AKAP12: variants seen among roughly 807,000 people sequenced by gnomAD.
AKAP12 encodes A-kinase anchor protein 12.
In AKAP12, 32 loss-of-function variants were observed where a neutral mutation model predicts 79.9. The ratio of observed to expected loss-of-function variants is 0.40; its 90% confidence interval spans 0.30 to 0.54. The LOEUF is 0.54. AKAP12 is among the 20% of genes least tolerant of loss of function. The pLI, the probability that AKAP12 is intolerant of heterozygous loss-of-function variation, is 0.48. For missense variants in AKAP12, 2,074 were observed against 2,177.0 expected (o/e 0.95, Z 0.94); for synonymous variants, 808 against 857.0 (o/e 0.94, Z 1.00).
rs1776963509 is a variant in AKAP12, at chr6:151,305,753, C to CT, written c.169_170insT (p.Gln57LeufsTer14). The CT allele has an allele frequency of 6.2e-7, 1 of 1,610,010 alleles. No homozygotes were observed. ...GGCTTTGTCTTTTCCATAGCTCCTA[C>CT]AGAAGAATGGTCAGCTGTCCACCAT... On this transcript the variant is annotated frameshift_variant, in exon 3 of 5. Transcript: ENST00000402676. LOFTEE classifies it high-confidence loss of function.
At chr6:151,305,975 C>G in intron 3 of AKAP12, 72 bp downstream of exon 3, 1 of 1,455,708 alleles carries the variant, frequency 6.9e-7, no homozygotes, top group Non-Finnish European at 9.3e-7. Context: ...AGAAAATACT[C>G]TGTCATACTG....
At chr6:151,353,866 TGAG>T (rs1778368391) in intron 4 of AKAP12, 114 bp downstream of exon 4, 3 of 680,086 alleles carry the variant, frequency 4.4e-6, no homozygotes, top group Non-Finnish European at 7.3e-6. Flanking sequence ...AACCTTCAGT[TGAG>T]GAAAATAACT....
intron 2 of AKAP12, among the ~76,000 whole-genome samples, chr6:151,264,908 T>G (rs931508826): frequency 1.3e-5 from 2 of 152,014 alleles, no homozygotes; most frequent in African/African-American, 4.8e-5. Flanking sequence ...TCCCAGCACT[T>G]TCGGAGGCTG....
At chr6:151,278,205 TTTTG>T (rs141891615) in intron 2 of AKAP12, among the ~76,000 whole-genome samples, 57,945 of 150,472 alleles carry the variant, frequency 0.39, 11,695 homozygotes, top group Admixed American at 0.51. Context: ...TTTTTTGGTT[TTTTG>T]TTTGTTTGTT....
At chr6:151,338,671 G>A (rs1680390168) in intron 3 of AKAP12, among the ~76,000 whole-genome samples, 1 of 152,046 alleles carries the variant, frequency 6.6e-6, no homozygotes, top group Admixed American at 6.6e-5. Context: ...GGCTGGTCTC[G>A]AACTCCTGAC....
At chr6:151,288,633 TTTAA>T (rs1776554490) in intron 2 of AKAP12, among the ~76,000 whole-genome samples, 1 of 152,182 alleles carries the variant, frequency 6.6e-6, no homozygotes, top group South Asian at 2.1e-4. Context: ...CCCTGAAGTA[TTTAA>T]TTAATATTTT....
intron 2 of AKAP12, among the ~76,000 whole-genome samples, chr6:151,257,371 A>C (rs149890827): frequency 6.6e-6 from 1 of 152,058 alleles, no homozygotes; most frequent in South Asian, 2.1e-4. Context: ...ATCTCAACTC[A>C]CTGAAACCTC....
chr6:151,334,391 C>T (rs990858673), intron 3 of AKAP12, among the ~76,000 whole-genome samples: 9 of 151,862 alleles, frequency 5.9e-5, no homozygotes, highest in Non-Finnish European at 8.8e-5. Context: ...GTCAGGAGTT[C>T]GAGACCAGCC....
intron 2 of AKAP12, among the ~76,000 whole-genome samples, chr6:151,303,092 C>T (rs868599205): frequency 1.3e-5 from 2 of 152,130 alleles, no homozygotes; most frequent in Admixed American, 1.3e-4. Context: ...ACTCGGGAGG[C>T]TGAGGCAGAA....
At position 151,325,850 on chromosome 6, in the gene AKAP12, C is replaced by G; in HGVS notation, c.319+19947C>G. ...TAAGCTGATCTCCTGTACAGTAGTG[C>G]TACTTAAAATATGCTGGGGACCATC... On this transcript the variant is annotated intron_variant, in intron 3 of 4. Coordinates refer to ENST00000402676, the MANE Select transcript of AKAP12 (RefSeq NM_005100.4). 3 of 1,614,108 alleles carry G rather than the reference C, an allele frequency of 1.9e-6. No individual in the cohort carries two copies. The South Asian group carries it at 3.3e-5, about 18-fold the overall frequency.
intron 2 of AKAP12, among the ~76,000 whole-genome samples, chr6:151,280,056 T>C (rs778084708): frequency 6.6e-6 from 1 of 151,078 alleles, no homozygotes; most frequent in Non-Finnish European, 1.5e-5. Context: ...TTTTTAAATA[T>C]GCATATAGAT....
chr6:151,249,440 A>G (rs1797134513), intron 2 of AKAP12, among the ~76,000 whole-genome samples: 1 of 152,212 alleles, frequency 6.6e-6, no homozygotes, highest in Admixed American at 6.5e-5. Context: ...TTGGCCTCCC[A>G]AAGTGCTGGG....
chr6:151,289,686 T>G (rs61120232), intron 2 of AKAP12, among the ~76,000 whole-genome samples: 79 of 152,338 alleles, frequency 5.2e-4, no homozygotes, highest in African/African-American at 1.9e-3. Context: ...ACTAGAGCTG[T>G]TATTTGTCTT....
At chr6:151,324,237 A>G (rs1777467203) in intron 3 of AKAP12, 1 of 985,166 alleles carries the variant, frequency 1.0e-6, no homozygotes, top group Non-Finnish European at 1.2e-6. Context: ...GCAATATCTC[A>G]CTGAGTCAGG....
rs117583624 is a variant in AKAP12, at chr6:151,299,659, A to G, written c.163-6088A>G. Among the ~76,000 whole-genome samples, 181 of 152,068 alleles carry G rather than the reference A, an allele frequency of 1.2e-3. 1 individual carries two copies. Among genetic ancestry groups the G allele is most frequent in the African/African-American group, 4.1e-3 (172 of 41,462 alleles). On this transcript the variant is annotated intron_variant, in intron 2 of 4. Transcript: ENST00000402676. ...CCTTAAGCCAGGGACATCTTCACAC[A>G]TGAGTGTGTCTAAATCTACCTCATA...
chr6:151,312,706 C>T (rs561328143), intron 3 of AKAP12, among the ~76,000 whole-genome samples: 37 of 148,936 alleles, frequency 2.5e-4, no homozygotes, highest in South Asian at 2.2e-4. Flanking sequence ...GCAGGAGAAT[C>T]GCTTGAATCC....
At chr6:151,275,141 A>C (rs1776267706) in intron 2 of AKAP12, among the ~76,000 whole-genome samples, 1 of 152,062 alleles carries the variant, frequency 6.6e-6, no homozygotes, top group South Asian at 2.1e-4. Context: ...TTTTTCTCAC[A>C]AACATGTTTG....
chr6:151,334,690 C>T (rs1405664760), intron 3 of AKAP12, among the ~76,000 whole-genome samples: 4 of 150,986 alleles, frequency 2.6e-5, no homozygotes, highest in South Asian at 2.1e-4. Flanking sequence ...GGCGCGATCT[C>T]GGCTCACGGC....
intron 3 of AKAP12, among the ~76,000 whole-genome samples, chr6:151,308,234 A>G (rs1035167688): frequency 6.7e-6 from 1 of 148,996 alleles, no homozygotes; most frequent in Non-Finnish European, 1.5e-5. Flanking sequence ...TTATTTTGAG[A>G]CAGGGTCTTG....
Sources: allele counts gnomAD v4.1 joint callset (sites outside exome capture counted in the v4.1 genomes callset), GRCh38; gene constraint gnomAD v4.1.1; transcripts MANE v1.5; gene names NCBI Gene and HGNC (gene_info 2026-07-23, HGNC 2026-07-21).